The following HCN1 variants were observed in gnomAD, a reference collection of about 807,000 sequenced individuals.
HCN1 encodes the protein potassium/sodium hyperpolarization-activated cyclic nucleotide-gated channel 1.
Under a neutral mutation model 78.9 loss-of-function variants are expected in HCN1, and 13 were observed. The ratio of observed to expected loss-of-function variants is 0.16; its 90% CI spans 0.11 to 0.26. The LOEUF is 0.26. Among genes scored for constraint, HCN1 ranks in the 10% least tolerant of loss-of-function variants. The pLI is 1.00. For synonymous variants in HCN1, 552 were observed against 455.5 expected, an observed-to-expected ratio of 1.21 and a Z score of -2.70; for missense variants, 810 against 1,154.3, an observed-to-expected ratio of 0.70 and a Z score of 4.32.
At chr5:45,400,210 A>G (rs1382972769) in intron 3 of HCN1, among the ~76,000 whole-genome samples, 3 of 152,002 alleles carry the variant, frequency 2.0e-5, no homozygotes, top group Admixed American at 2.0e-4. Flanking sequence ...CTTTATTTCT[A>G]TTGGTATTGT....
intron 4 of HCN1, among the ~76,000 whole-genome samples, chr5:45,357,272 G>A (rs1351583193): frequency 6.6e-6 from 1 of 152,036 alleles, no homozygotes; most frequent in African/African-American, 2.4e-5. Flanking sequence ...AACTCTCAAA[G>A]TTGACTCCAT....
At chr5:45,573,678 C>T (rs749391157) in intron 2 of HCN1, among the ~76,000 whole-genome samples, 9 of 151,708 alleles carry the variant, frequency 5.9e-5, no homozygotes, top group Non-Finnish European at 1.3e-4. Flanking sequence ...TCACTATATA[C>T]TTAAAAAAAA....
Position 45,396,767 on chromosome 5 carries a change from G to T in HCN1, c.1012-57C>A, listed in dbSNP as rs1033924838. 4.7e-6 allele frequency: 6 copies of T among 1,273,546 alleles called. No individual in the cohort carries two copies. In the African/African-American group the frequency reaches 7.3e-5, roughly 16 times the overall value. The allele number at this position is 1,273,546 out of a possible 1,614,324, so 78.9% of individuals were successfully genotyped here. A position where few individuals can be genotyped will look rare whatever the true frequency, so the allele number is the denominator to read the frequency against. On this transcript the variant is annotated intron_variant, in intron 3 of 7. Coordinates refer to ENST00000303230, the MANE Select transcript of HCN1 (RefSeq NM_021072.4). Reference sequence around the variant, plus strand: ...AGCCATTAGGATGGCAGAATGAAAAGTGAGTAGGACCTGTACACAGAAGCA... The same window carrying T: ...AGCCATTAGGATGGCAGAATGAAAATTGAGTAGGACCTGTACACAGAAGCA...
chr5:45,376,147 A>G (rs1400988719), intron 4 of HCN1, among the ~76,000 whole-genome samples: 1 of 109,212 alleles, frequency 9.2e-6, no homozygotes, highest in African/African-American at 3.8e-5. Context: ...AATATATTAT[A>G]TATAATATAA....
chr5:45,468,929 A>G (rs926731951), intron 2 of HCN1, among the ~76,000 whole-genome samples: 1 of 152,034 alleles, frequency 6.6e-6, no homozygotes, highest in African/African-American at 2.4e-5. Flanking sequence ...GTCAGTACTA[A>G]TAAATATCTA....
At chr5:45,506,185 A>C (rs1408637354) in intron 2 of HCN1, among the ~76,000 whole-genome samples, 1 of 152,170 alleles carries the variant, frequency 6.6e-6, no homozygotes, top group African/African-American at 2.4e-5. Flanking sequence ...AGATTGTAAA[A>C]TGATCATTTT....
intron 3 of HCN1, among the ~76,000 whole-genome samples, chr5:45,423,090 A>G (rs1340694920): frequency 6.6e-6 from 1 of 152,170 alleles, no homozygotes; most frequent in Non-Finnish European, 1.5e-5. Context: ...GAGGTGATGG[A>G]TATTCCAATT....
intron 1 of HCN1, among the ~76,000 whole-genome samples, chr5:45,650,894 T>G (rs1470013297): frequency 1.3e-5 from 2 of 152,080 alleles, no homozygotes; most frequent in Admixed American, 1.3e-4. Context: ...CCCAGTTGCT[T>G]ACGTTATCTT....
chr5:45,448,055 A>G (rs1259151243), intron 3 of HCN1, among the ~76,000 whole-genome samples: 1 of 151,886 alleles, frequency 6.6e-6, no homozygotes, highest in African/African-American at 2.4e-5. Flanking sequence ...TTTCCTACAT[A>G]AGTTTTATAA....
At chr5:45,525,033 T>C (rs1054735552) in intron 2 of HCN1, among the ~76,000 whole-genome samples, 5 of 152,168 alleles carry the variant, frequency 3.3e-5, no homozygotes, top group Admixed American at 6.5e-5. Context: ...ATACGTCCCA[T>C]CAATACCTAA....
intron 2 of HCN1, among the ~76,000 whole-genome samples, chr5:45,477,008 C>T (rs1741532637): frequency 6.6e-6 from 1 of 152,072 alleles, no homozygotes; most frequent in African/African-American, 2.4e-5. Flanking sequence ...TCCCAAGATA[C>T]ATTTATATCA....
chr5:45,292,655 G>T (rs1289165760), intron 6 of HCN1, among the ~76,000 whole-genome samples: 4 of 151,900 alleles, frequency 2.6e-5, no homozygotes, highest in Non-Finnish European at 4.4e-5. Context: ...AATAAAGAAT[G>T]AGACTAACAA....
chr5:45,695,558 C>T (rs992809978), intron 1 of HCN1, 111 bp downstream of exon 1: 78 of 1,110,016 alleles, frequency 7.0e-5, no homozygotes, highest in Non-Finnish European at 3.1e-5. Context: ...GCCGGCAGCG[C>T]CACCCCCCGC....
chr5:45,358,284 T>C (rs760037892), intron 4 of HCN1, among the ~76,000 whole-genome samples: 8 of 152,128 alleles, frequency 5.3e-5, no homozygotes, highest in Non-Finnish European at 2.9e-5. Flanking sequence ...GGCAATCTAA[T>C]AGAAGAATAG....
At chr5:45,502,981 G>A (rs1172693201) in intron 2 of HCN1, among the ~76,000 whole-genome samples, 1 of 152,090 alleles carries the variant, frequency 6.6e-6, no homozygotes, top group Non-Finnish European at 1.5e-5. Context: ...GTATATACAT[G>A]TTATAAAATA....
chr5:45,337,116 G>A (rs529638638), intron 5 of HCN1, among the ~76,000 whole-genome samples: 3 of 152,074 alleles, frequency 2.0e-5, no homozygotes, highest in Non-Finnish European at 2.9e-5. Flanking sequence ...CCTCTATAAT[G>A]GTACCTTCCT....
At chr5:45,605,246 TA>T in intron 2 of HCN1, among the ~76,000 whole-genome samples, 1 of 152,034 alleles carries the variant, frequency 6.6e-6, no homozygotes, top group Non-Finnish European at 1.5e-5. Context: ...AACAACTTAA[TA>T]TGTAATTTTA....
intron 1 of HCN1, among the ~76,000 whole-genome samples, chr5:45,664,874 T>A (rs796436696): frequency 6.7e-6 from 1 of 150,362 alleles, no homozygotes; most frequent in Non-Finnish European, 1.5e-5. Flanking sequence ...GTTCAACCAT[T>A]GTGGAAGTCA....
chr5:45,650,602 G>C (rs192648987), intron 1 of HCN1, among the ~76,000 whole-genome samples: 126 of 151,900 alleles, frequency 8.3e-4, no homozygotes, highest in African/African-American at 3.0e-3. Context: ...TATAGAATAG[G>C]CTAAATAAAA....
Sources: gnomAD v4.1 joint callset for allele counts (sites outside exome capture counted in the v4.1 genomes callset) on GRCh38, gnomAD v4.1.1 for gene constraint, MANE v1.5 for transcripts, NCBI Gene and HGNC (gene_info 2026-07-23, HGNC 2026-07-21) for gene names.